The following LINGO2 variants were observed in gnomAD, a reference collection of about 807,000 sequenced individuals.
LINGO2 encodes the protein leucine rich repeat and Ig domain containing 2, also known as leucine-rich repeat and immunoglobulin-like domain-containing nogo receptor-interacting protein 2.
A neutral mutation model predicts 30.6 loss-of-function variants in LINGO2; 14 were observed. The observed-to-expected ratio is 0.46, with a 90% CI of 0.30 to 0.72. LINGO2 has a LOEUF of 0.72. Among genes scored for constraint, LINGO2 ranks in the 30% least tolerant of loss-of-function variants. The probability of loss-of-function intolerance (pLI) is 0.07; values close to 1 mark genes in which losing one functional copy is unlikely to be tolerated. For synonymous variants in LINGO2, 317 were observed against 288.5 expected, an observed-to-expected ratio of 1.10 and a Z score of -1.00; for missense variants, 729 against 751.7, an observed-to-expected ratio of 0.97 and a Z score of 0.35.
At chr9:29,094,882 T>C in the LINGO2 span, among the ~76,000 whole-genome samples, 4 of 139,232 alleles carry the variant, frequency 2.9e-5, 1 homozygote, top group Non-Finnish European at 6.3e-5. Context: ...TTCTAGACCA[T>C]TACATTTTAT....
chr9:28,892,705 C>T, the LINGO2 span, among the ~76,000 whole-genome samples: 1 of 151,926 alleles, frequency 6.6e-6, no homozygotes, highest in African/African-American at 2.4e-5. Context: ...ACTGTATTGA[C>T]TTTAATTTTG....
At chr9:28,471,945 C>T (rs528792357) in intron 2 of LINGO2, among the ~76,000 whole-genome samples, 131 of 152,216 alleles carry the variant, frequency 8.6e-4, no homozygotes, top group African/African-American at 3.0e-3. Context: ...AGAGGCCACA[C>T]ATAAAACAAG....
chr9:28,226,516 C>G (rs1432543734), intron 4 of LINGO2, among the ~76,000 whole-genome samples: 1 of 150,608 alleles, frequency 6.6e-6, no homozygotes. Context: ...TTTAATTTCT[C>G]TGATTCAAGG....
At chr9:28,010,014 TATCTATG>T (rs1357552808) in intron 5 of LINGO2, among the ~76,000 whole-genome samples, 2 of 152,200 alleles carry the variant, frequency 1.3e-5, no homozygotes, top group African/African-American at 4.8e-5. Context: ...GTGTTATCCG[TATCTATG>T]CAAAGAAGTA....
At chr9:28,631,967 T>G (rs1826963220) in intron 1 of LINGO2, among the ~76,000 whole-genome samples, 2 of 152,176 alleles carry the variant, frequency 1.3e-5, no homozygotes, top group South Asian at 4.1e-4. Flanking sequence ...AGTCTATACA[T>G]TCCTAAAGAT....
At chr9:29,010,688 G>A in the LINGO2 span, among the ~76,000 whole-genome samples, 1 of 152,026 alleles carries the variant, frequency 6.6e-6, no homozygotes, top group East Asian at 1.9e-4. Context: ...TATAGAATTA[G>A]ATAATTTTTT....
At chr9:28,132,310 T>C (rs979393262) in intron 4 of LINGO2, among the ~76,000 whole-genome samples, 1 of 151,966 alleles carries the variant, frequency 6.6e-6, no homozygotes, top group Non-Finnish European at 1.5e-5. Flanking sequence ...AATATATAAA[T>C]TGAGTTATAC....
chr9:29,071,177 T>TTGTAC, the LINGO2 span, among the ~76,000 whole-genome samples: 1 of 147,148 alleles, frequency 6.8e-6, no homozygotes, highest in Admixed American at 6.8e-5. Flanking sequence ...TTGTATTGTA[T>TTGTAC]TGTATTGTAT....
chr9:28,992,992 G>T, the LINGO2 span, among the ~76,000 whole-genome samples: 1 of 151,950 alleles, frequency 6.6e-6, no homozygotes, highest in African/African-American at 2.4e-5. Flanking sequence ...AAAGCTAGCA[G>T]AAGGCAAGAA....
intron 4 of LINGO2, among the ~76,000 whole-genome samples, chr9:28,250,000 C>A (rs1195798131): frequency 6.6e-6 from 1 of 152,068 alleles, no homozygotes; most frequent in Non-Finnish European, 1.5e-5. Context: ...ATCCTTCACT[C>A]TGGTACTCAT....
chr9:28,132,413 T>A (rs1321302619), intron 4 of LINGO2, among the ~76,000 whole-genome samples: 1 of 152,168 alleles, frequency 6.6e-6, no homozygotes, highest in East Asian at 1.9e-4. Context: ...CTCAATTGCA[T>A]CTGCCCATCA....
intron 1 of LINGO2, among the ~76,000 whole-genome samples, chr9:28,528,656 G>T (rs553842726): frequency 1.8e-4 from 28 of 152,118 alleles, no homozygotes; most frequent in Admixed American, 2.6e-4. Context: ...TCTTTGAATT[G>T]TATTACAAAT....
chr9:28,438,844 AT>A (rs1824061236), intron 2 of LINGO2, among the ~76,000 whole-genome samples: 3 of 146,512 alleles, frequency 2.0e-5, no homozygotes, highest in African/African-American at 5.0e-5. Flanking sequence ...ATATATATAT[AT>A]ATATAATGAG....
At chr9:28,648,255 C>T (rs1827932604) in intron 1 of LINGO2, among the ~76,000 whole-genome samples, 1 of 152,098 alleles carries the variant, frequency 6.6e-6, no homozygotes, top group South Asian at 2.1e-4. Context: ...CAGAATTATG[C>T]TTCTCTAGTT....
chr9:28,779,378 C>A, the LINGO2 span, among the ~76,000 whole-genome samples: 77,868 of 151,942 alleles, frequency 0.51, 21,741 homozygotes, highest in African/African-American at 0.76. Context: ...GTCAACAATC[C>A]ATCTTGGCTC....
the LINGO2 span, among the ~76,000 whole-genome samples, chr9:28,820,889 A>G: frequency 2.6e-5 from 4 of 152,266 alleles, no homozygotes; most frequent in African/African-American, 9.6e-5. Context: ...CAGGAGGGGC[A>G]CCCCATACCC....
chr9:28,188,065 C>T (rs1901562), intron 4 of LINGO2, among the ~76,000 whole-genome samples: 38,284 of 151,992 alleles, frequency 0.25, 4,920 homozygotes, highest in South Asian at 0.35. Flanking sequence ...TTTAATATTT[C>T]CCTGCTATTT....
intron 5 of LINGO2, among the ~76,000 whole-genome samples, chr9:28,001,065 T>C (rs1477717702): frequency 6.6e-6 from 1 of 152,278 alleles, no homozygotes; most frequent in African/African-American, 2.4e-5. Flanking sequence ...GTTTGGGATC[T>C]ATAATCACCA....
chr9:29,153,899 G>C, the LINGO2 span, among the ~76,000 whole-genome samples: 72 of 152,208 alleles, frequency 4.7e-4, no homozygotes, highest in African/African-American at 1.7e-3. Flanking sequence ...AACGGATCAA[G>C]GCTCAGAACA....
Sources: gnomAD v4.1 joint callset for allele counts (sites outside exome capture counted in the v4.1 genomes callset) on GRCh38, gnomAD v4.1.1 for gene constraint, MANE v1.5 for transcripts, NCBI Gene and HGNC (gene_info 2026-07-23, HGNC 2026-07-21) for gene names.